The following DNAH8 variants were observed in gnomAD, a reference collection of about 807,000 sequenced individuals.
DNAH8 encodes the protein axonemal beta dynein heavy chain 8.
DNAH8 carries 382 observed loss-of-function variants against 562.1 expected under a neutral mutation model. The ratio of observed to expected loss-of-function variants is 0.68; its 90% CI spans 0.63 to 0.74. DNAH8 has a LOEUF of 0.74. Ranked by LOEUF, DNAH8 falls within the 30% of genes least tolerant of loss-of-function variation. The pLI is 0.00. For missense variants in DNAH8, 5,203 were observed against 5,620.4 expected (o/e 0.93, Z 2.37); for synonymous variants, 1,881 against 1,919.4 (o/e 0.98, Z 0.52).
intron 26 of DNAH8, among the ~76,000 whole-genome samples, chr6:38,821,311 C>A (rs1772815061): frequency 6.6e-6 from 1 of 152,118 alleles, no homozygotes. Flanking sequence ...AACTGCAAAA[C>A]ATTGCTGAAA....
chr6:38,788,856 G>A (rs1317741975), intron 18 of DNAH8, among the ~76,000 whole-genome samples: 2 of 152,138 alleles, frequency 1.3e-5, no homozygotes, highest in Admixed American at 1.3e-4. Context: ...TGAATCCAAA[G>A]TCATGAAGAT....
chr6:39,015,463 G>A (rs1289052099), intron 91 of DNAH8, among the ~76,000 whole-genome samples: 1 of 152,100 alleles, frequency 6.6e-6, no homozygotes, highest in Non-Finnish European at 1.5e-5. Flanking sequence ...CATGGAGGTG[G>A]TTTTCCCCAT....
At chr6:38,818,537 C>CAAAAAAAAAAAAGAAAAAAAAAA (rs775835573) in intron 26 of DNAH8, among the ~76,000 whole-genome samples, 1 of 75,886 alleles carries the variant, frequency 1.3e-5, no homozygotes, top group African/African-American at 6.2e-5. Context: ...AAAGCAAAAG[C>CAAAAAAAAAAAAGAAAAAAAAAA]AAAAAAAAAA....
Position 38,868,200 on chromosome 6 carries a change from T to A in DNAH8, c.6828+4T>A. ...AGATATGAACCTTTCCAAACTGGTA[T>A]CTTCTCTGAATTCTCTTCTTTTCCA... On this transcript the variant is annotated splice_donor_region_variant and intron_variant, in intron 48 of 92. Transcript: ENST00000327475. 6.2e-7 allele frequency: 1 copy of A among 1,600,640 alleles called. No individual in the cohort carries two copies. Among genetic ancestry groups the A allele is most frequent in the Non-Finnish European group, 8.5e-7 (1 of 1,176,108 alleles).
rs1304820338 is a variant in DNAH8, at chr6:38,723,214, C to T, written c.390+15C>T. ...AAGAGAGACAGGTTTGCTTCTAATA[C>T]GATTTTTCATGTGTGCCACTTTTCC... On this transcript the variant is annotated intron_variant, in intron 2 of 92. Transcript: ENST00000327475. 3 of 1,594,838 alleles carry T rather than the reference C, an allele frequency of 1.9e-6. No individual in the cohort carries two copies. The highest frequency in any genetic ancestry group is 1.7e-4 in the Middle Eastern group (1 of 5,994).
At chr6:38,883,777 C>T (rs553394352) in intron 55 of DNAH8, 99 bp from the exon 56 acceptor site, 82 of 982,698 alleles carry the variant, frequency 8.3e-5, no homozygotes, top group African/African-American at 7.7e-4. Context: ...TTATTAAATG[C>T]GTAAGTAAAT....
At chr6:38,893,372 T>C (rs1258207217) in intron 58 of DNAH8, among the ~76,000 whole-genome samples, 1 of 151,918 alleles carries the variant, frequency 6.6e-6, no homozygotes, top group Non-Finnish European at 1.5e-5. Flanking sequence ...GAGGGAAATA[T>C]TAGAAGAGAA....
Position 38,807,624 on chromosome 6 carries a change from C to G in DNAH8, c.3165C>G (p.Val1055=). The G allele has an allele frequency of 6.5e-7, 1 of 1,549,552 alleles. No individual in the cohort carries two copies. Among genetic ancestry groups the G allele is most frequent in the East Asian group, 2.4e-5 (1 of 42,150 alleles). The change falls in exon 24 of 93, where the codon GTC becomes GTG. Residue 1055 remains valine, a synonymous_variant. Coordinates refer to ENST00000327475, the MANE Select transcript of DNAH8 (RefSeq NM_001206927.2). ...EDEFKKECKE[V]FAFFSHQLLD... ...TCTTATTACAGGAGTGTAAAGAGGT[C>G]TTTGCTTTTTTCTCTCATCAATTAC...
At chr6:38,808,348 A>AT (rs1201193262) in intron 24 of DNAH8, among the ~76,000 whole-genome samples, 1 of 152,172 alleles carries the variant, frequency 6.6e-6, no homozygotes, top group Non-Finnish European at 1.5e-5. Context: ...TACAGACAGT[A>AT]TTATTCGGTT....
intron 66 of DNAH8, among the ~76,000 whole-genome samples, chr6:38,912,854 G>C (rs914491764): frequency 6.6e-6 from 1 of 151,590 alleles, no homozygotes; most frequent in African/African-American, 2.4e-5. Context: ...CTGTTGCCCA[G>C]GTTGGAGTGC....
intron 88 of DNAH8, among the ~76,000 whole-genome samples, chr6:38,990,666 G>A (rs769137191): frequency 6.6e-6 from 1 of 152,184 alleles, no homozygotes. Context: ...TGCACTGCCT[G>A]TGGTGGGTGC....
chr6:38,945,882 G>T (rs1761375430), intron 80 of DNAH8, among the ~76,000 whole-genome samples: 1 of 152,118 alleles, frequency 6.6e-6, no homozygotes, highest in Non-Finnish European at 1.5e-5. Context: ...CCCTTTTATT[G>T]TAGACGACTC....
chr6:38,915,654 C>T (rs759049251), intron 68 of DNAH8, among the ~76,000 whole-genome samples: 29 of 152,092 alleles, frequency 1.9e-4, no homozygotes, highest in Non-Finnish European at 2.5e-4. Context: ...ATTCAGATTA[C>T]GCAGAGAGCC....
intron 26 of DNAH8, among the ~76,000 whole-genome samples, chr6:38,816,594 T>TATACCCAGTAATGGAATTGCTGGGTCA (rs1480946721): frequency 6.6e-6 from 1 of 152,168 alleles, no homozygotes; most frequent in Non-Finnish European, 1.5e-5. Context: ...CCTTCGGGTA[T>TATACCCAGTAATGGAATTGCTGGGTCA]ATACCCAGTA....
At chr6:38,763,034 A>G (rs560130848) in intron 11 of DNAH8, 3 of 414,326 alleles carry the variant, frequency 7.2e-6, no homozygotes, top group Non-Finnish European at 1.4e-5. Context: ...GAGACAGATC[A>G]AAGCAGCTCA....
intron 53 of DNAH8, among the ~76,000 whole-genome samples, chr6:38,881,440 A>G (rs897590472): frequency 1.1e-4 from 17 of 152,228 alleles, no homozygotes; most frequent in African/African-American, 3.6e-4. Context: ...AATGGCAATG[A>G]TAGGAATAAC....
intron 9 of DNAH8, 92 bp downstream of exon 9, chr6:38,750,681 C>T (rs1000987776): frequency 1.8e-4 from 141 of 762,364 alleles, no homozygotes; most frequent in Non-Finnish European, 1.1e-4. Flanking sequence ...GGAAGGATCG[C>T]TTGAGCCCAG....
intron 91 of DNAH8, among the ~76,000 whole-genome samples, chr6:39,021,077 C>T (rs982300576): frequency 2.6e-5 from 4 of 152,214 alleles, no homozygotes; most frequent in South Asian, 2.1e-4. Context: ...GGTTCTAGAT[C>T]CTTGAGGAAT....
rs200239803 is a variant in DNAH8, at chr6:38,823,017, C to T, written c.3703C>T (p.Arg1235Cys). The change falls in exon 27 of 93, where the codon CGC becomes TGC. Residue 1235 changes from arginine (R) to cysteine (C), a missense_variant. This residue lies in a region of DNAH8 where 2,176 missense variants were observed against 2,365.1 expected (regional missense o/e 0.92). Coordinates refer to ENST00000327475, the MANE Select transcript of DNAH8 (RefSeq NM_001206927.2). The part of the protein sequence containing the change: ...QKYKTLWTED[R>C]DVKVKEFLAN... The stretch of plus-strand genomic sequence containing the variant: ...GTACAAGACTCTCTGGACAGAGGAC[C>T]GCGATGTGAAAGTGAAGGTGTCTTT... 1.1e-4 allele frequency: 177 copies of T among 1,575,286 alleles called. No individual in the cohort carries two copies. The highest frequency in any genetic ancestry group is 3.7e-4 in the African/African-American group (27 of 72,674).
Sources: allele counts gnomAD v4.1 joint callset (sites outside exome capture counted in the v4.1 genomes callset), GRCh38; gene constraint gnomAD v4.1.1; regional missense constraint gnomAD v4.1.1; transcripts MANE v1.5; gene names NCBI Gene and HGNC (gene_info 2026-07-23, HGNC 2026-07-21).